The following NPAT variants were observed in gnomAD, a reference collection of about 807,000 sequenced individuals.
NPAT encodes the protein protein NPAT.
A neutral mutation model predicts 130.7 loss-of-function variants in NPAT; 52 were observed. The observed-to-expected ratio is 0.40, with a 90% CI of 0.32 to 0.50. The LOEUF (loss-of-function observed/expected upper bound fraction) is 0.50, where lower values mean the gene tolerates loss of function less well. Ranked by LOEUF, NPAT falls within the 20% of genes least tolerant of loss-of-function variation. The probability of loss-of-function intolerance (pLI) is 0.68; values close to 1 mark genes in which losing one functional copy is unlikely to be tolerated. For missense variants in NPAT, 1,687 were observed against 1,662.6 expected, an observed-to-expected ratio of 1.01 and a Z score of -0.26; for synonymous variants, 580 against 584.8, an observed-to-expected ratio of 0.99 and a Z score of 0.12.
chr11:108,184,954 C>A (rs1050920385), intron 10 of NPAT, among the ~76,000 whole-genome samples: 5 of 151,938 alleles, frequency 3.3e-5, no homozygotes, highest in Non-Finnish European at 7.4e-5. Flanking sequence ...ACAAATATAC[C>A]CACTAATAAA....
At chr11:108,172,099 T>C in intron 13 of NPAT, 100 bp downstream of exon 13, 1 of 974,838 alleles carries the variant, frequency 1.0e-6, no homozygotes, top group Non-Finnish European at 1.7e-6. Context: ...TCTCATACCA[T>C]CTACTCATTA....
chr11:108,180,649 C>T (rs940459496), intron 10 of NPAT, among the ~76,000 whole-genome samples: 2 of 152,104 alleles, frequency 1.3e-5, no homozygotes, highest in African/African-American at 2.4e-5. Flanking sequence ...AGAAAGCTTC[C>T]TCAAACAATG....
intron 13 of NPAT, 140 bp downstream of exon 13, chr11:108,172,059 A>G: frequency 1.4e-6 from 1 of 733,936 alleles, no homozygotes; most frequent in Non-Finnish European, 2.4e-6. Context: ...AGCATAAAGA[A>G]GCAGCGTAAT....
At chr11:108,222,453 C>G (rs747022060) in intron 1 of NPAT, 47 bp downstream of exon 1, 1 of 1,608,028 alleles carries the variant, frequency 6.2e-7, no homozygotes, top group African/African-American at 1.3e-5. Flanking sequence ...GTCCTTCTGT[C>G]CAGCATAGCC....
Position 108,172,214 on chromosome 11 carries a change from G to C in NPAT, c.2770C>G (p.Pro924Ala). Residue 924 changes from proline to alanine, a missense_variant, in exon 13 of 18, where the codon CCA (proline) becomes GCA (alanine). Pro to Ala is a conservative substitution (Grantham distance 27, BLOSUM62 -1). This residue lies in a region of NPAT where 1,379 missense variants were observed against 1,346.6 expected (regional missense o/e 1.02). Coordinates refer to ENST00000278612, the MANE Select transcript of NPAT (RefSeq NM_002519.3). ...SVFAVNQAVS[P>A]NFSQGSAIII... ...TTAAAGTTACCTTGTGAAAAGTTTGGTGACACAGCTTGGTTGACAGCAAAT... is the reference window on the plus strand; with the variant it reads ...TTAAAGTTACCTTGTGAAAAGTTTGCTGACACAGCTTGGTTGACAGCAAAT... The C allele has an allele frequency of 2.5e-6, 4 of 1,614,022 alleles. No homozygotes were observed. The highest frequency in any genetic ancestry group is 1.1e-5 in the South Asian group (1 of 91,078).
intron 1 of NPAT, among the ~76,000 whole-genome samples, chr11:108,214,441 G>A (rs911187742): frequency 6.6e-6 from 1 of 152,184 alleles, no homozygotes; most frequent in Non-Finnish European, 1.5e-5. Flanking sequence ...GGCAGAGGAC[G>A]GGGCAAGGGG....
intron 17 of NPAT, 131 bp from the exon 18 acceptor site, chr11:108,159,150 A>G: frequency 1.6e-6 from 1 of 624,634 alleles, no homozygotes; most frequent in Non-Finnish European, 2.8e-6. Flanking sequence ...GTCTATTAGA[A>G]TTTTACTTCT....
chr11:108,177,873 A>T (rs1007651154), intron 10 of NPAT, among the ~76,000 whole-genome samples: 1 of 151,980 alleles, frequency 6.6e-6, no homozygotes, highest in African/African-American at 2.4e-5. Flanking sequence ...CATGTGTGCC[A>T]CCACATCCAG....
chr11:108,182,074 T>C (rs929115000), intron 10 of NPAT, among the ~76,000 whole-genome samples: 1 of 152,242 alleles, frequency 6.6e-6, no homozygotes, highest in African/African-American at 2.4e-5. Flanking sequence ...CATTCCAGCA[T>C]TGCATAGAGA....
chr11:108,194,964 C>T (rs763442123), intron 2 of NPAT, among the ~76,000 whole-genome samples: 60 of 152,118 alleles, frequency 3.9e-4, no homozygotes, highest in Middle Eastern at 3.2e-3. Context: ...GCTGGGACTA[C>T]AGGCGCACGC....
intron 1 of NPAT, chr11:108,208,318 A>G (rs1213084218): frequency 1.5e-5 from 5 of 341,580 alleles, no homozygotes; most frequent in African/African-American, 2.2e-5. Flanking sequence ...CCACAAAAAG[A>G]TAACATGGCT....
intron 1 of NPAT, among the ~76,000 whole-genome samples, chr11:108,199,030 G>A (rs981762125): frequency 1.3e-5 from 2 of 152,230 alleles, no homozygotes; most frequent in African/African-American, 4.8e-5. Context: ...GCCCAGGACT[G>A]AAGCAGACTG....
chr11:108,221,221 T>C (rs1216066848), intron 1 of NPAT, among the ~76,000 whole-genome samples: 2 of 152,124 alleles, frequency 1.3e-5, no homozygotes, highest in Non-Finnish European at 1.5e-5. Flanking sequence ...CCTACTGTAA[T>C]CTAGTGAATA....
intron 2 of NPAT, among the ~76,000 whole-genome samples, chr11:108,197,054 C>G (rs1000503277): frequency 2.0e-5 from 3 of 152,072 alleles, no homozygotes; most frequent in Admixed American, 6.6e-5. Flanking sequence ...AGCAGCGAAA[C>G]TAATCAGAAA....
intron 15 of NPAT, among the ~76,000 whole-genome samples, chr11:108,167,351 A>G (rs1005091384): frequency 2.6e-5 from 4 of 152,178 alleles, no homozygotes; most frequent in African/African-American, 9.7e-5. Flanking sequence ...AGTTGGGACT[A>G]CTATCTGCCA....
chr11:108,167,325 C>T (rs537096314), intron 15 of NPAT, among the ~76,000 whole-genome samples: 1 of 152,274 alleles, frequency 6.6e-6, no homozygotes, highest in Admixed American at 6.5e-5. Context: ...AATCCTTCTG[C>T]CTCACCCTCC....
chr11:108,170,075 T>G, intron 13 of NPAT, 32 bp from the exon 14 acceptor site: 1 of 1,431,864 alleles, frequency 7.0e-7, no homozygotes, highest in African/African-American at 1.4e-5. Flanking sequence ...AAAAAAGATT[T>G]TCTCTGAAAT....
At chr11:108,217,051 G>A (rs1168020271) in intron 1 of NPAT, among the ~76,000 whole-genome samples, 1 of 152,146 alleles carries the variant, frequency 6.6e-6, no homozygotes, top group East Asian at 1.9e-4. Context: ...CTGTATGTGT[G>A]GAGTTTACAC....
At chr11:108,220,658 C>G (rs2078476177) in intron 1 of NPAT, among the ~76,000 whole-genome samples, 2 of 152,146 alleles carry the variant, frequency 1.3e-5, no homozygotes, top group African/African-American at 4.8e-5. Context: ...GAAAGATATA[C>G]ACGATATGTA....
Sources: gnomAD v4.1 joint callset for allele counts (sites outside exome capture counted in the v4.1 genomes callset) on GRCh38, gnomAD v4.1.1 for gene constraint, gnomAD v4.1.1 regional missense constraint, MANE v1.5 for transcripts, NCBI Gene and HGNC (gene_info 2026-07-23, HGNC 2026-07-21) for gene names.